The following KDM7A variants were observed in gnomAD, a reference collection of about 807,000 sequenced individuals.
The protein encoded by KDM7A is lysine demethylase 7A, also known as lysine-specific demethylase 7A.
KDM7A carries 28 observed loss-of-function variants against 114.8 expected under a neutral mutation model. The ratio of observed to expected loss-of-function variants is 0.24; its 90% confidence interval spans 0.18 to 0.33. The LOEUF (loss-of-function observed/expected upper bound fraction) is 0.33, where lower values mean the gene tolerates loss of function less well. Among genes scored for constraint, KDM7A ranks in the 10% least tolerant of loss-of-function variants. The pLI is 1.00. For synonymous variants in KDM7A, 423 were observed against 397.8 expected (o/e 1.06, Z -0.75); for missense variants, 942 against 1,142.5 (o/e 0.82, Z 2.53).
chr7:140,100,691 TATATATATATATATATACAC>T (rs1818194870), intron 12 of KDM7A, among the ~76,000 whole-genome samples: 6 of 31,462 alleles, frequency 1.9e-4, no homozygotes, highest in Admixed American at 1.2e-3. Flanking sequence ...CATATATACA[TATATATATATATATATACAC>T]ATATATATAT....
At chr7:140,124,858 C>T (rs1197726987) in intron 6 of KDM7A, 75 bp from the exon 7 acceptor site, 23 of 815,390 alleles carry the variant, frequency 2.8e-5, no homozygotes, top group Middle Eastern at 2.3e-4. Flanking sequence ...TGCAATTTCT[C>T]AATACAATGA....
chr7:140,127,290 A>G (rs1257368353), intron 5 of KDM7A, 152 bp downstream of exon 5: 1 of 668,190 alleles, frequency 1.5e-6, no homozygotes, highest in Non-Finnish European at 2.5e-6. Context: ...ATTTCTAAGT[A>G]TCTCTGAGTG....
chr7:140,116,255 A>AGTGTGT (rs10675737), intron 9 of KDM7A, among the ~76,000 whole-genome samples: 1,856 of 151,242 alleles, frequency 0.012, 18 homozygotes, highest in Non-Finnish European at 0.018. Context: ...TTGCAGAATC[A>AGTGTGT]GTGTGTGTGT....
In KDM7A at chr7:140,153,176, G is replaced by C. The variant is rs1375425289; in HGVS notation, c.195-13986C>G. Among the ~76,000 whole-genome samples, 3 of 151,946 alleles carry C rather than the reference G, an allele frequency of 2.0e-5. No homozygotes were observed. The East Asian group carries it at 5.9e-4, about 30-fold the overall frequency. On this transcript the variant is annotated intron_variant, in intron 1 of 19. Coordinates refer to ENST00000397560, the MANE Select transcript of KDM7A (RefSeq NM_030647.2). The stretch of plus-strand genomic sequence containing the variant: ...ACTAAAGGTCACGTGATCGATGACA[G>C]GCAAATGTAAGGAAAATATAGGCGG...
intron 9 of KDM7A, among the ~76,000 whole-genome samples, chr7:140,116,089 G>A (rs1199859005): frequency 2.0e-5 from 3 of 152,150 alleles, no homozygotes; most frequent in African/African-American, 7.2e-5. Context: ...AATGGGAATT[G>A]GAAACAATTT....
intron 1 of KDM7A, among the ~76,000 whole-genome samples, chr7:140,157,819 A>AG (rs1794474793): frequency 1.3e-5 from 2 of 151,396 alleles, no homozygotes; most frequent in Non-Finnish European, 2.9e-5. Flanking sequence ...AAAAAAAAAA[A>AG]TTAGTCAGGT....
chr7:140,098,591 T>C (rs1052636557), intron 14 of KDM7A, among the ~76,000 whole-genome samples: 1 of 152,226 alleles, frequency 6.6e-6, no homozygotes, highest in African/African-American at 2.4e-5. Flanking sequence ...TAGAGGCCTA[T>C]AACATGCATG....
At position 140,157,995 on chromosome 7, in the gene KDM7A, T is replaced by TAAATAAATA. The variant is rs36113160; in HGVS notation, c.194+18748_194+18749insTATTTATTT. On this transcript the variant is annotated intron_variant, in intron 1 of 19. Coordinates refer to ENST00000397560, the MANE Select transcript of KDM7A (RefSeq NM_030647.2). ...AAAAATAAATAAATAAATAAATAAA[T>TAAATAAATA]AATAATAATAATAATAATAATAATT... Among the ~76,000 whole-genome samples, 907 of 139,364 alleles carry TAAATAAATA rather than the reference T, an allele frequency of 6.5e-3. 8 individuals carry two copies. The highest frequency in any genetic ancestry group is 0.015 in the Middle Eastern group (4 of 264). The allele number at this position is 139,364 out of a possible 152,430, so 91.4% of individuals were successfully genotyped here. A position where few individuals can be genotyped will look rare whatever the true frequency, so the allele number is the denominator to read the frequency against.
chr7:140,128,284 TGGACTATG>T (rs1318384742), intron 4 of KDM7A, among the ~76,000 whole-genome samples: 3 of 152,180 alleles, frequency 2.0e-5, no homozygotes, highest in Admixed American at 2.0e-4. Flanking sequence ...AGTTTGACAA[TGGACTATG>T]GGATAAGGTA....
At chr7:140,098,600 T>A (rs1818153888) in intron 14 of KDM7A, among the ~76,000 whole-genome samples, 1 of 152,210 alleles carries the variant, frequency 6.6e-6, no homozygotes, top group South Asian at 2.1e-4. Context: ...ATAACATGCA[T>A]GAGCTTTCAA....
intron 1 of KDM7A, among the ~76,000 whole-genome samples, chr7:140,160,881 A>G (rs1221760445): frequency 1.3e-5 from 2 of 152,196 alleles, no homozygotes; most frequent in Admixed American, 1.3e-4. Flanking sequence ...GTAAGAGGAA[A>G]GATGTCCCTG....
At position 140,124,739 on chromosome 7, in the gene KDM7A, C is replaced by T. The variant is rs1176986428; in HGVS notation, c.933G>A (p.Leu311=). Residue 311 remains leucine (L), a synonymous_variant, in exon 7 of 20, where the codon TTG becomes TTA. Coordinates refer to ENST00000397560, the MANE Select transcript of KDM7A (RefSeq NM_030647.2). ...ATGAACTCCAAGATTCATAACGTGC[C>T]AAATTTTCATCTGTTGGCTTTATTA... The part of the protein sequence containing the change: ...FYLIKPTDEN[L]ARYESWSSSV... 1 of 1,611,996 alleles carries T rather than the reference C, an allele frequency of 6.2e-7. No individual in the cohort carries two copies. The highest frequency in any genetic ancestry group is 1.7e-5 in the Admixed American group (1 of 59,810).
At chr7:140,143,002 A>C (rs926555624) in intron 1 of KDM7A, among the ~76,000 whole-genome samples, 1 of 152,038 alleles carries the variant, frequency 6.6e-6, no homozygotes, top group African/African-American at 2.4e-5. Flanking sequence ...TAACACGGTG[A>C]AACCCCATCT....
chr7:140,100,145 C>T (rs1380297443), intron 12 of KDM7A, 122 bp from the exon 13 acceptor site: 1 of 1,015,722 alleles, frequency 9.8e-7, no homozygotes, highest in African/African-American at 1.6e-5. Context: ...AGGCAGCCAC[C>T]TGGGCTTGGG....
At chr7:140,171,552 T>C (rs1040270305) in intron 1 of KDM7A, among the ~76,000 whole-genome samples, 1 of 127,638 alleles carries the variant, frequency 7.8e-6, no homozygotes, top group Non-Finnish European at 1.7e-5. Flanking sequence ...TATAAATATA[T>C]ATTTATTTTT....
At chr7:140,175,674 A>C (rs867942221) in intron 1 of KDM7A, among the ~76,000 whole-genome samples, 6 of 152,272 alleles carry the variant, frequency 3.9e-5, no homozygotes, top group Middle Eastern at 6.8e-3. Flanking sequence ...TACAAAACAC[A>C]CGAGTCGGCG....
intron 1 of KDM7A, among the ~76,000 whole-genome samples, chr7:140,169,934 T>A (rs1439605558): frequency 6.6e-6 from 1 of 152,228 alleles, no homozygotes; most frequent in Non-Finnish European, 1.5e-5. Flanking sequence ...AAATTGTGTA[T>A]AAATTATAAA....
intron 3 of KDM7A, among the ~76,000 whole-genome samples, chr7:140,130,564 T>A (rs1245678068): frequency 6.8e-6 from 1 of 148,132 alleles, no homozygotes; most frequent in Non-Finnish European, 1.5e-5. Context: ...GAGGTTGCAG[T>A]GAGCCGAGAT....
chr7:140,115,855 GTAAA>G (rs1187438289), intron 9 of KDM7A, among the ~76,000 whole-genome samples: 2 of 98,796 alleles, frequency 2.0e-5, no homozygotes, highest in African/African-American at 7.9e-5. Flanking sequence ...TACAAGAAAA[GTAAA>G]AAAAAAAAAT....
Sources: allele counts gnomAD v4.1 joint callset (sites outside exome capture counted in the v4.1 genomes callset), GRCh38; gene constraint gnomAD v4.1.1; transcripts MANE v1.5; gene names NCBI Gene and HGNC (gene_info 2026-07-23, HGNC 2026-07-21).